MSL1: variants seen among roughly 807,000 people sequenced by gnomAD.
MSL1 encodes the protein MSL complex subunit 1, also known as male-specific lethal 1 homolog.
MSL1 carries 21 observed loss-of-function variants against 64.6 expected under a neutral mutation model. That is an observed-to-expected ratio of 0.33 (90% CI 0.23 to 0.47). The LOEUF is 0.47. Among genes scored for constraint, MSL1 ranks in the 20% least tolerant of loss-of-function variants. The pLI is 1.00. For synonymous variants in MSL1, 339 were observed against 329.6 expected, an observed-to-expected ratio of 1.03 and a Z score of -0.31; for missense variants, 664 against 793.2, an observed-to-expected ratio of 0.84 and a Z score of 1.96.
rs372433035 is a variant in MSL1 at position 40,134,493 on chromosome 17, C to T, written c.*124C>T. ...CACTCGCTGATAATACCCTTTCATA[C>T]TTCCTTGACTTTGTTTTCATTACTC... On this transcript the variant is annotated 3_prime_UTR_variant, in exon 9 of 9. Transcript: ENST00000398532. The T allele has an allele frequency of 8.1e-6, 6 of 742,448 alleles. No individual in the cohort carries two copies. Among genetic ancestry groups the T allele is most frequent in the African/African-American group, 5.3e-5 (3 of 56,582 alleles). 46.0% of individuals were successfully genotyped at this position (742,448 alleles called of 1,614,324 possible).
intron 1 of MSL1, 82 bp downstream of exon 1, chr17:40,123,462 G>A: frequency 1.4e-6 from 2 of 1,389,724 alleles, no homozygotes; most frequent in Admixed American, 4.4e-5. Flanking sequence ...GGAGGTTAAG[G>A]CACCCCCGGG....
At position 40,122,545 on chromosome 17, in the gene MSL1, A is replaced by AC. The variant is rs1201074502; in HGVS notation, c.-62dup. ...CTCCCCTCCCCCCCCTCAGTCCTCG[A>AC]CCCCCCGCACCTCGCCCCTTCCCCA... On this transcript the variant is annotated 5_prime_UTR_variant, in exon 1 of 9. Transcript: ENST00000398532. The surrounding 1 kb of genome is among the most constrained non-coding windows in gnomAD (Gnocchi z 4.2). The AC allele has an allele frequency of 9.7e-6, 5 of 515,716 alleles. No individual in the cohort carries two copies. The highest frequency in any genetic ancestry group is 4.8e-5 in the Admixed American group (1 of 20,854). The allele number at this position is 515,716 out of a possible 1,614,324, so 31.9% of individuals were successfully genotyped here.
rs923490607 is a variant in MSL1 at position 40,132,090 on chromosome 17, C to G, written c.1480C>G (p.Leu494Val). ...TCTAAGGGACCCAAATCCTTCAGACCTTTTGGAGGTAGGTAACCAAGAGCA... is the reference window on the plus strand; with the variant it reads ...TCTAAGGGACCCAAATCCTTCAGACGTTTTGGAGGTAGGTAACCAAGAGCA... The part of the protein sequence containing the change: ...EPLRDPNPSD[L>V]LENLDDSVFS... Residue 494 changes from leucine to valine, a missense_variant, in exon 5 of 9, where the codon CTT becomes GTT. Coordinates refer to ENST00000398532, the MANE Select transcript of MSL1 (RefSeq NM_001365919.1). 6.2e-7 allele frequency: 1 copy of G among 1,601,194 alleles called. No homozygotes were observed. Among genetic ancestry groups the G allele is most frequent in the African/African-American group, 1.3e-5 (1 of 74,790 alleles).
intron 6 of MSL1, 111 bp from the exon 7 acceptor site, chr17:40,133,423 G>A (rs758648792): frequency 2.7e-4 from 371 of 1,354,120 alleles, no homozygotes; most frequent in Non-Finnish European, 3.4e-4. Flanking sequence ...GTCTAGAGGA[G>A]TCAGCAAGGG....
At chr17:40,126,519 A>G (rs1417809483) in intron 2 of MSL1, 113 bp downstream of exon 2, 4 of 1,008,600 alleles carry the variant, frequency 4.0e-6, no homozygotes, top group South Asian at 1.5e-5. Flanking sequence ...GAAGTCTTCT[A>G]TGCGGAGGGC....
At chr17:40,125,496 T>C (rs918599251) in intron 1 of MSL1, among the ~76,000 whole-genome samples, 32 of 152,126 alleles carry the variant, frequency 2.1e-4, no homozygotes, top group African/African-American at 7.5e-4. Flanking sequence ...AGGATAGAAT[T>C]TGGACAATCT....
rs1156865601 is a variant in MSL1 at position 40,123,200 on chromosome 17, G to A, written c.588G>A (p.Glu196=). Residue 196 remains glutamate, a synonymous_variant, in exon 1 of 9, where the codon GAG becomes GAA. Coordinates refer to ENST00000398532, the MANE Select transcript of MSL1 (RefSeq NM_001365919.1). ...CCGCCGGGACCCTGGCGGCCAGCGA[G>A]GGCAGATGGAAGAGTATGAGGAAGA... The part of the protein sequence containing the change: ...TATAGTLAAS[E]GRWKSMRKSP... 4 of 1,535,576 alleles carry A rather than the reference G, an allele frequency of 2.6e-6. No individual in the cohort carries two copies. The highest frequency in any genetic ancestry group is 3.5e-6 in the Non-Finnish European group (4 of 1,146,810).
Position 40,129,279 on chromosome 17 carries a change from C to T in MSL1, c.1027C>T (p.Pro343Ser). Reference protein sequence around the residue: ...SPFGSTERKTPVKKLAPEFSK... With the variant: ...SPFGSTERKTSVKKLAPEFSK... ...ATTTGGAAGTACAGAAAGAAAGACT[C>T]CTGTTAAAAAGCTGGCTCCTGAATT... The change falls in exon 3 of 9, where the codon CCT becomes TCT. Residue 343 changes from proline to serine, a missense_variant. By Grantham distance (74) the Pro-to-Ser change is moderately conservative. Around this residue, in one of 4 missense-constraint regions of MSL1, gnomAD observed 466 missense variants for 499.0 expected, o/e 0.93. Transcript: ENST00000398532. The T allele has an allele frequency of 6.4e-7, 1 of 1,572,698 alleles. No homozygotes were observed. Among genetic ancestry groups the T allele is most frequent in the Non-Finnish European group, 8.6e-7 (1 of 1,167,736 alleles).
intron 8 of MSL1, 45 bp from the exon 9 acceptor site, chr17:40,134,234 T>G (rs1429907778): frequency 1.2e-5 from 18 of 1,499,632 alleles, no homozygotes; most frequent in Non-Finnish European, 1.3e-5. Flanking sequence ...CCACACTGAA[T>G]CCCTTCTAGT....
Position 40,122,287 on chromosome 17 carries a change from G to A in MSL1, c.-326G>A, listed in dbSNP as rs1427636944. On this transcript the variant is annotated 5_prime_UTR_variant, in exon 1 of 9. Transcript: ENST00000398532. The surrounding 1 kb of genome is among the most constrained non-coding windows in gnomAD (Gnocchi z 4.2). Reference sequence around the variant, plus strand: ...CGAGGCGGGCCCGGCCGGGCCAGGGGGGGCCGAAGCGAGCTCCGGGGATGA... The same window carrying A: ...CGAGGCGGGCCCGGCCGGGCCAGGGAGGGCCGAAGCGAGCTCCGGGGATGA... The A allele has an allele frequency of 1.3e-5, 2 of 156,798 alleles. No individual in the cohort carries two copies. Among genetic ancestry groups the A allele is most frequent in the Non-Finnish European group, 2.8e-5 (2 of 71,604 alleles). 9.7% of individuals were successfully genotyped at this position (156,798 alleles called of 1,614,324 possible).
chr17:40,133,747 G>T, intron 7 of MSL1, 80 bp from the exon 8 acceptor site: 1 of 1,610,394 alleles, frequency 6.2e-7, no homozygotes, highest in East Asian at 2.2e-5. Flanking sequence ...AATGAATGAA[G>T]TGTATTTTGG....
At position 40,122,591 on chromosome 17, in the gene MSL1, CCCGGCGCTGCT is replaced by C; in HGVS notation, c.-17_-7del. On this transcript the variant is annotated 5_prime_UTR_variant, in exon 1 of 9. Transcript: ENST00000398532. This position sits in a 1 kb window ranked among gnomAD's most constrained non-coding sequence, Gnocchi z 4.2. The stretch of plus-strand genomic sequence containing the variant: ...CCCCACCCCCTCCTCCGCCTCGGTG[CCCGGCGCTGCT>C]CCGGACCACTATGACCATGAGATCC... The C allele has an allele frequency of 7.1e-7, 1 of 1,402,074 alleles. No homozygotes were observed. The highest frequency in any genetic ancestry group is 1.5e-5 in the South Asian group (1 of 67,290). The allele number at this position is 1,402,074 out of a possible 1,614,324, so 86.9% of individuals were successfully genotyped here.
At chr17:40,130,555 G>A (rs566920608) in intron 3 of MSL1, among the ~76,000 whole-genome samples, 2 of 152,324 alleles carry the variant, frequency 1.3e-5, no homozygotes, top group East Asian at 1.9e-4. Flanking sequence ...TTCTACCACT[G>A]TGTCTTGCCT....
chr17:40,122,866 C>T lies in MSL1; in HGVS notation c.254C>T (p.Ala85Val). 7.2e-7 allele frequency: 1 copy of T among 1,392,738 alleles called. No individual in the cohort carries two copies. Among genetic ancestry groups the T allele is most frequent in the Non-Finnish European group, 9.2e-7 (1 of 1,083,244 alleles). The allele number at this position is 1,392,738 out of a possible 1,614,324, so 86.3% of individuals were successfully genotyped here. Reference protein sequence around the residue: ...GGKGRGLLLPAGAAPGQQEES... With the variant: ...GGKGRGLLLPVGAAPGQQEES... ...AAGGGCCGGGGCTTGTTACTCCCGG[C>T]CGGGGCGGCCCCCGGGCAGCAGGAA... The change falls in exon 1 of 9, where the codon GCC (alanine) becomes GTC (valine). Residue 85 changes from alanine to valine, a missense_variant. Transcript: ENST00000398532. The surrounding 1 kb of genome is among the most constrained non-coding windows in gnomAD (Gnocchi z 4.2).
In MSL1 at chr17:40,122,353, AAGGCGGCGGCGGCGGCAGCAG is replaced by A. The variant is rs1421270252; in HGVS notation, c.-248_-228del. 2.3e-5 allele frequency: 5 copies of A among 214,046 alleles called. No homozygotes were observed. The highest frequency in any genetic ancestry group is 3.6e-5 in the Non-Finnish European group (4 of 111,436). The allele number at this position is 214,046 out of a possible 1,614,324, so 13.3% of individuals were successfully genotyped here. ...GGTGCGAGCTCCTGCCTCTGAGGCG[AAGGCGGCGGCGGCGGCAGCAG>A]AGGCGGCGGCGAGGCCCCCATGGGC... On this transcript the variant is annotated 5_prime_UTR_variant, in exon 1 of 9. Coordinates refer to ENST00000398532, the MANE Select transcript of MSL1 (RefSeq NM_001365919.1). The surrounding 1 kb of genome is among the most constrained non-coding windows in gnomAD (Gnocchi z 4.2).
chr17:40,133,903 A>C lies in MSL1; in HGVS notation c.1754+4A>C. 6.2e-7 allele frequency: 1 copy of C among 1,612,728 alleles called. No individual in the cohort carries two copies. Among genetic ancestry groups the C allele is most frequent in the East Asian group, 2.2e-5 (1 of 44,880 alleles). ...CATTACCAAAATTAACTCCACAGTA[A>C]GTATACATTTTTTTTCTCCCCTTCC... On this transcript the variant is annotated splice_donor_region_variant and intron_variant, in intron 8 of 8. Transcript: ENST00000398532.
Position 40,131,422 on chromosome 17 carries a change from C to CA in MSL1, c.1376-109dup. The CA allele has an allele frequency of 4.3e-6, 4 of 921,574 alleles. No individual in the cohort carries two copies. Among genetic ancestry groups the CA allele is most frequent in the Non-Finnish European group, 6.9e-6 (4 of 582,938 alleles). 57.1% of individuals were successfully genotyped at this position (921,574 alleles called of 1,614,324 possible). Reference sequence around the variant, plus strand: ...GAGAGAAATTCTCAAAAGAACAACTCAAAAAACAAAATGGCTTCCTAGTGA... The same window carrying CA: ...GAGAGAAATTCTCAAAAGAACAACTCAAAAAAACAAAATGGCTTCCTAGTGA... On this transcript the variant is annotated intron_variant, in intron 3 of 8. Coordinates refer to ENST00000398532, the MANE Select transcript of MSL1 (RefSeq NM_001365919.1). This position sits in a 1 kb window ranked among gnomAD's most constrained non-coding sequence, Gnocchi z 4.5.
In MSL1 at chr17:40,122,153, C is replaced by G. The variant is rs1280884521; in HGVS notation, c.-460C>G. ...AGGAGGGCTTTGGGCGGACCCAGCCCTCCACCCCCTCCTGAGGAGGAGGGG... is the reference window on the plus strand; with the variant it reads ...AGGAGGGCTTTGGGCGGACCCAGCCGTCCACCCCCTCCTGAGGAGGAGGGG... On this transcript the variant is annotated 5_prime_UTR_variant, in exon 1 of 9. Transcript: ENST00000398532. The surrounding 1 kb of genome is among the most constrained non-coding windows in gnomAD (Gnocchi z 4.2). 1.3e-5 allele frequency: 2 copies of G among 151,062 alleles called. No homozygotes were observed. The highest frequency in any genetic ancestry group is 6.6e-5 in the Admixed American group (1 of 15,226). The allele number at this position is 151,062 out of a possible 1,614,324, so 9.4% of individuals were successfully genotyped here.
chr17:40,124,505 C>A (rs1430034045), intron 1 of MSL1: 1 of 152,196 alleles, frequency 6.6e-6, no homozygotes, highest in Non-Finnish European at 1.5e-5. Context: ...AAATGAATCT[C>A]ATCGGGTGGC....
Sources: allele counts gnomAD v4.1 joint callset (sites outside exome capture counted in the v4.1 genomes callset), GRCh38; gene constraint gnomAD v4.1.1; regional missense constraint gnomAD v4.1.1; non-coding constraint Gnocchi (gnomAD v3.1); transcripts MANE v1.5; gene names NCBI Gene and HGNC (gene_info 2026-07-23, HGNC 2026-07-21).